Variants in LUC7L3 observed in about 807,000 individuals in gnomAD.
LUC7L3 encodes the protein LUC7 like 3 pre-mRNA splicing factor.
A neutral mutation model predicts 66.8 loss-of-function variants in LUC7L3; 6 were observed. That is an observed-to-expected ratio of 0.09 (90% CI 0.05 to 0.18). The LOEUF is 0.18. Ranked by LOEUF, LUC7L3 falls within the 10% of genes least tolerant of loss-of-function variation. LUC7L3 has a pLI of 1.00. For missense variants in LUC7L3, 341 were observed against 531.1 expected, an observed-to-expected ratio of 0.64 and a Z score of 3.52; for synonymous variants, 160 against 174.7, an observed-to-expected ratio of 0.92 and a Z score of 0.66.
At chr17:50,727,525 C>A (rs1440767742) in intron 1 of LUC7L3, among the ~76,000 whole-genome samples, 1 of 152,140 alleles carries the variant, frequency 6.6e-6, no homozygotes, top group Non-Finnish European at 1.5e-5. Flanking sequence ...TGCCCCAGCC[C>A]CCCGAGTTCA....
chr17:50,728,400 C>A (rs546139391), intron 1 of LUC7L3, among the ~76,000 whole-genome samples: 50 of 152,100 alleles, frequency 3.3e-4, no homozygotes, highest in South Asian at 1.2e-3. Context: ...GTTATAAATT[C>A]TTTTATTAAA....
chr17:50,724,179 T>C (rs1162434216), intron 1 of LUC7L3: 3 of 269,688 alleles, frequency 1.1e-5, no homozygotes, highest in Non-Finnish European at 2.3e-5. Flanking sequence ...TCTGTTATTG[T>C]CAACCTTAAA....
At chr17:50,741,301 A>G in intron 4 of LUC7L3, 55 bp downstream of exon 4, 1 of 1,536,728 alleles carries the variant, frequency 6.5e-7, no homozygotes, top group Non-Finnish European at 8.9e-7. Context: ...GGAGATTCAG[A>G]GACCTCCCTA....
chr17:50,749,256 C>T (rs1290456469), intron 9 of LUC7L3: 1 of 1,289,030 alleles, frequency 7.8e-7, no homozygotes, highest in Non-Finnish European at 1.0e-6. Context: ...TACTAGTCCT[C>T]TACGGGACAA....
chr17:50,719,935 C>A, intron 1 of LUC7L3, 104 bp downstream of exon 1: 1 of 1,045,240 alleles, frequency 9.6e-7, no homozygotes, highest in Non-Finnish European at 1.3e-6. Flanking sequence ...AGGGCCGCAC[C>A]CGGGGTCGAG....
intron 1 of LUC7L3, among the ~76,000 whole-genome samples, chr17:50,727,010 A>C (rs1047802520): frequency 6.6e-6 from 1 of 151,806 alleles, no homozygotes; most frequent in Non-Finnish European, 1.5e-5. Flanking sequence ...AATTTCTTGA[A>C]CCCGGGAGGC....
chr17:50,748,940 A>G (rs879860051), intron 9 of LUC7L3, among the ~76,000 whole-genome samples: 1 of 152,212 alleles, frequency 6.6e-6, no homozygotes, highest in African/African-American at 2.4e-5. Context: ...AGGCACTCTT[A>G]TAAATGACTG....
intron 3 of LUC7L3, 34 bp downstream of exon 3, chr17:50,740,379 A>T: frequency 2.5e-6 from 4 of 1,587,238 alleles, no homozygotes; most frequent in Non-Finnish European, 3.4e-6. Flanking sequence ...CCACCCCCCC[A>T]GTTATTAGTT....
At chr17:50,730,777 T>C (rs1206356159) in intron 1 of LUC7L3, among the ~76,000 whole-genome samples, 1 of 151,746 alleles carries the variant, frequency 6.6e-6, no homozygotes, top group Non-Finnish European at 1.5e-5. Context: ...CCCCATCTAC[T>C]AAAAATAGAA....
Position 50,745,926 on chromosome 17 carries a change from A to G in LUC7L3, c.900A>G (p.Ser300=). The change falls in exon 8 of 10, where the codon TCA becomes TCG. Residue 300 remains serine (S), a synonymous_variant. Coordinates refer to ENST00000505658, the MANE Select transcript of LUC7L3 (RefSeq NM_016424.5). ...GAAGTCGTTCACGAAGTAGACACTC[A>G]AGCCGAACATCAGACAGAAGATGCA... ...RKRSRSRSRH[S]SRTSDRRCSR... The G allele has an allele frequency of 6.2e-7, 1 of 1,613,604 alleles. No individual in the cohort carries two copies.
chr17:50,734,244 C>T (rs1359564219), intron 1 of LUC7L3, among the ~76,000 whole-genome samples: 3 of 151,620 alleles, frequency 2.0e-5, no homozygotes, highest in Middle Eastern at 3.4e-3. Flanking sequence ...CTCAGCTCAC[C>T]GCAACCTCCG....
chr17:50,750,938 T>C lies in LUC7L3; in HGVS notation c.*277T>C. 4 of 1,521,156 alleles carry C rather than the reference T, an allele frequency of 2.6e-6. No individual in the cohort carries two copies. Among genetic ancestry groups the C allele is most frequent in the African/African-American group, 1.4e-5 (1 of 72,634 alleles). The allele number at this position is 1,521,156 out of a possible 1,614,324, so 94.2% of individuals were successfully genotyped here. ...TGGAAATTATCGCCCACATTTGTAA[T>C]ATAGTCGCCATTGAAAAGTTAATTA... On this transcript the variant is annotated 3_prime_UTR_variant, in exon 10 of 10. Coordinates refer to ENST00000505658, the MANE Select transcript of LUC7L3 (RefSeq NM_016424.5).
At chr17:50,749,495 C>G (rs1463217437) in intron 9 of LUC7L3, among the ~76,000 whole-genome samples, 1 of 152,226 alleles carries the variant, frequency 6.6e-6, no homozygotes, top group Non-Finnish European at 1.5e-5. Context: ...CTTCAGTTCT[C>G]TGAGTGGGTG....
Position 50,741,138 on chromosome 17 carries a change from TGA to T in LUC7L3, c.250_251del (p.Asp84PhefsTer15). The stretch of plus-strand genomic sequence containing the variant: ...GCTCTCGTTTCATGAAAGTTGGCTA[TGA>T]GAGAGATTTTTTGCGATACTTACAG... ...KSSRFMKVGY[E>X]RDFLRYLQSL... On this transcript the variant is annotated frameshift_variant, in exon 4 of 10. Coordinates refer to ENST00000505658, the MANE Select transcript of LUC7L3 (RefSeq NM_016424.5). LOFTEE classifies it high-confidence loss of function. 6.2e-7 allele frequency: 1 copy of T among 1,614,164 alleles called. No individual in the cohort carries two copies.
intron 1 of LUC7L3, chr17:50,722,837 A>G (rs1000720018): frequency 3.3e-5 from 5 of 152,230 alleles, no homozygotes; most frequent in African/African-American, 4.8e-5. Context: ...TGGATCTGAG[A>G]AACTGCAGCT....
At chr17:50,735,072 A>G (rs1053306191) in intron 1 of LUC7L3, among the ~76,000 whole-genome samples, 5 of 152,016 alleles carry the variant, frequency 3.3e-5, no homozygotes, top group African/African-American at 1.2e-4. Flanking sequence ...CTCTACTAAA[A>G]ATTCAAAATT....
intron 1 of LUC7L3, chr17:50,722,011 G>A (rs1968803801): frequency 6.6e-6 from 1 of 151,466 alleles, no homozygotes. Flanking sequence ...CAGTCAAAAT[G>A]CTAACTTTAC....
chr17:50,746,754 G>A (rs758734680), intron 9 of LUC7L3, 52 bp downstream of exon 9: 10 of 1,515,256 alleles, frequency 6.6e-6, no homozygotes, highest in South Asian at 1.2e-5. Flanking sequence ...CACCCTAATC[G>A]CCCCACTCAC....
In LUC7L3 at chr17:50,746,640, A is replaced by G. The variant is rs1970685667; in HGVS notation, c.1076A>G (p.Lys359Arg). Residue 359 changes from lysine (K) to arginine (R), a missense_variant, in exon 9 of 10, where the codon AAG becomes AGG. Physicochemically the swap from Lys to Arg is conservative, Grantham distance 26. Transcript: ENST00000505658. Reference sequence around the variant, plus strand: ...AGAAGATCAAAAAGCCGGGATCGAAAGTCATATAAGCACAGGAGCAAAAGT... The same window carrying G: ...AGAAGATCAAAAAGCCGGGATCGAAGGTCATATAAGCACAGGAGCAAAAGT... ...DRRRSKSRDR[K>R]SYKHRSKSRD... The G allele has an allele frequency of 1.2e-6, 2 of 1,614,194 alleles. No homozygotes were observed. Among genetic ancestry groups the G allele is most frequent in the East Asian group, 2.2e-5 (1 of 44,876 alleles).
Sources: allele counts gnomAD v4.1 joint callset (sites outside exome capture counted in the v4.1 genomes callset), GRCh38; gene constraint gnomAD v4.1.1; transcripts MANE v1.5; gene names NCBI Gene and HGNC (gene_info 2026-07-23, HGNC 2026-07-21).